Variants in PAQR5 observed in about 807,000 individuals in gnomAD.
PAQR5 encodes the protein progestin and adipoQ receptor family member 5, also known as membrane progestin receptor gamma.
A neutral mutation model predicts 34.5 loss-of-function variants in PAQR5; 20 were observed. That is an observed-to-expected ratio of 0.58 (90% CI 0.41 to 0.84). PAQR5 has a LOEUF of 0.84. PAQR5 is among the 40% of genes least tolerant of loss of function. PAQR5 has a pLI of 0.00. For missense variants in PAQR5, 378 were observed against 412.7 expected (o/e 0.92, Z 0.73); for synonymous variants, 131 against 155.6 (o/e 0.84, Z 1.18).
chr15:69,324,331 A>G (rs1595854362), intron 1 of PAQR5, among the ~76,000 whole-genome samples: 1 of 152,308 alleles, frequency 6.6e-6, no homozygotes, highest in Admixed American at 6.5e-5. Flanking sequence ...CAGAAGGCAC[A>G]GGAGAGAGCA....
intron 3 of PAQR5, among the ~76,000 whole-genome samples, chr15:69,362,876 T>C (rs1403548086): frequency 2.0e-5 from 3 of 152,118 alleles, no homozygotes; most frequent in Non-Finnish European, 2.9e-5. Flanking sequence ...CCTCCCCACC[T>C]CTTCCACCAC....
chr15:69,322,774 G>GAGGAAGAAGAAGA lies in PAQR5; in HGVS notation c.-276-14565_-276-14564insGAAGAAGAAGAAG, dbSNP rs1566998035. Reference sequence around the variant, plus strand: ...GAAGAAGAAGAAGAAGAAGAAGAGGGAGAAGAAGAAGACGAGGAAGAAGAA... The same window carrying GAGGAAGAAGAAGA: ...GAAGAAGAAGAAGAAGAAGAAGAGGGAGGAAGAAGAAGAAGAAGAAGAAGACGAGGAAGAAGAA... On this transcript the variant is annotated intron_variant, in intron 1 of 8. Transcript: ENST00000395407. Among the ~76,000 whole-genome samples, 16 of 32,430 alleles carry GAGGAAGAAGAAGA rather than the reference G, an allele frequency of 4.9e-4. 3 individuals are homozygous for GAGGAAGAAGAAGA. The highest frequency in any genetic ancestry group is 9.6e-4 in the Admixed American group (3 of 3,122). The allele number at this position is 32,430 out of a possible 152,430, so 21.3% of individuals were successfully genotyped here.
At chr15:69,373,587 C>T (rs967147647) in intron 3 of PAQR5, among the ~76,000 whole-genome samples, 2 of 152,132 alleles carry the variant, frequency 1.3e-5, no homozygotes, top group Non-Finnish European at 2.9e-5. Flanking sequence ...TTCTCTAGCA[C>T]ACACTACCTG....
intron 2 of PAQR5, among the ~76,000 whole-genome samples, chr15:69,355,303 TC>T (rs2055031001): frequency 2.2e-5 from 1 of 45,254 alleles, no homozygotes; most frequent in Admixed American, 2.3e-4. Flanking sequence ...TTTCTTTCTT[TC>T]TTTCTTTCTT....
intron 7 of PAQR5, 78 bp downstream of exon 7, chr15:69,397,642 C>A: frequency 1.1e-6 from 1 of 951,420 alleles, no homozygotes; most frequent in South Asian, 1.3e-5. Flanking sequence ...TCTGGGGGGT[C>A]ACAGCACTGC....
intron 1 of PAQR5, among the ~76,000 whole-genome samples, chr15:69,329,220 C>T (rs1304048259): frequency 6.6e-6 from 1 of 152,122 alleles, no homozygotes; most frequent in Admixed American, 6.5e-5. Context: ...CACACATATA[C>T]ACTCACTCAC....
intron 1 of PAQR5, among the ~76,000 whole-genome samples, chr15:69,307,086 C>T (rs998758337): frequency 2.6e-5 from 3 of 115,226 alleles, no homozygotes; most frequent in South Asian, 3.5e-4. Context: ...TATTCCATTA[C>T]ATATACATCA....
rs1277302138 is a variant in PAQR5 at position 69,344,112 on chromosome 15, G to A, written c.-116+6611G>A. Among the ~76,000 whole-genome samples, 3 of 152,214 alleles carry A rather than the reference G, an allele frequency of 2.0e-5. No individual in the cohort carries two copies. The East Asian group carries it at 5.8e-4, about 29-fold the overall frequency. On this transcript the variant is annotated intron_variant, in intron 2 of 8. Transcript: ENST00000395407. Reference sequence around the variant, plus strand: ...GCCTCCCAAATTGCTGAGATTACAGGCATGGGCCACCATGCCCGGCTACAG... The same window carrying A: ...GCCTCCCAAATTGCTGAGATTACAGACATGGGCCACCATGCCCGGCTACAG...
chr15:69,326,147 C>T (rs1250076563), intron 1 of PAQR5, among the ~76,000 whole-genome samples: 1 of 152,072 alleles, frequency 6.6e-6, no homozygotes, highest in East Asian at 1.9e-4. Flanking sequence ...CGTCATTTTC[C>T]AGTGCCTGGG....
At chr15:69,379,784 G>C in intron 3 of PAQR5, 99 bp from the exon 4 acceptor site, 1 of 1,443,426 alleles carries the variant, frequency 6.9e-7, no homozygotes, top group African/African-American at 1.4e-5. Context: ...GGGGTCAAGC[G>C]TTCCAGGCAC....
intron 6 of PAQR5, among the ~76,000 whole-genome samples, chr15:69,392,618 G>T (rs1446132415): frequency 6.6e-6 from 1 of 152,172 alleles, no homozygotes; most frequent in Admixed American, 6.5e-5. Flanking sequence ...CAGTGCCATA[G>T]GAGAGACAGA....
chr15:69,312,093 A>G (rs747606657), intron 1 of PAQR5, among the ~76,000 whole-genome samples: 4 of 152,102 alleles, frequency 2.6e-5, no homozygotes, highest in Non-Finnish European at 5.9e-5. Context: ...GGCAAGAGCA[A>G]ACTGCGGGGT....
At chr15:69,309,871 A>G (rs1019267592) in intron 1 of PAQR5, among the ~76,000 whole-genome samples, 10 of 152,050 alleles carry the variant, frequency 6.6e-5, no homozygotes, top group African/African-American at 2.2e-4. Context: ...CAACAAGGTG[A>G]AATGCCATCT....
In PAQR5 at chr15:69,406,694, C is replaced by T. The variant is rs1041821767; in HGVS notation, c.*2872C>T. ...GACCAGTCTGGGCAACAGAGCCAGA[C>T]ACTGTCTCTATAAAAAAAAGTTAAA... On this transcript the variant is annotated 3_prime_UTR_variant, in exon 9 of 9. Coordinates refer to ENST00000395407, the MANE Select transcript of PAQR5 (RefSeq NM_017705.4). 1 of 152,152 alleles carries T rather than the reference C, an allele frequency of 6.6e-6. No homozygotes were observed. The highest frequency in any genetic ancestry group is 2.4e-5 in the African/African-American group (1 of 41,404). 9.4% of individuals were successfully genotyped at this position (152,152 alleles called of 1,614,324 possible).
At chr15:69,307,700 A>G (rs1595830178) in intron 1 of PAQR5, among the ~76,000 whole-genome samples, 2 of 152,344 alleles carry the variant, frequency 1.3e-5, no homozygotes, top group East Asian at 3.9e-4. Flanking sequence ...GTCATCTTAG[A>G]AGGACATAGT....
intron 1 of PAQR5, among the ~76,000 whole-genome samples, chr15:69,305,038 G>A (rs891104977): frequency 3.9e-5 from 6 of 152,164 alleles, no homozygotes; most frequent in African/African-American, 1.4e-4. Flanking sequence ...TTCCTCTTCT[G>A]TACGGCTTGG....
chr15:69,393,445 AGTCACTGTCCACTCTGGGCCTCAGGG>A lies in PAQR5; in HGVS notation c.512+3666_512+3691del, dbSNP rs1244736466. The stretch of plus-strand genomic sequence containing the variant: ...CAGACTTGCTGTATGGCCTCAGGGC[AGTCACTGTCCACTCTGGGCCTCAGGG>A]TCTACGTCTTCAATGAGGGCATCTG... On this transcript the variant is annotated intron_variant, in intron 6 of 8. Coordinates refer to ENST00000395407, the MANE Select transcript of PAQR5 (RefSeq NM_017705.4). 1.5e-3 allele frequency among the ~76,000 whole-genome samples: 11 copies of A among 7,396 alleles called. No individual in the cohort carries two copies. In the South Asian group the frequency reaches 0.094, roughly 63 times the overall value. The allele number at this position is 7,396 out of a possible 152,430, so 4.9% of individuals were successfully genotyped here.
At chr15:69,379,134 C>T (rs1177301550) in intron 3 of PAQR5, among the ~76,000 whole-genome samples, 1 of 152,208 alleles carries the variant, frequency 6.6e-6, no homozygotes, top group Admixed American at 6.5e-5. Flanking sequence ...TTCCACATTT[C>T]TTCACTTATT....
rs535195033 is a variant in PAQR5, at chr15:69,385,440, T to A, written c.385+558T>A. Among the ~76,000 whole-genome samples, 55 of 152,292 alleles carry A rather than the reference T, an allele frequency of 3.6e-4. No individual in the cohort carries two copies. The highest frequency in any genetic ancestry group is 1.3e-3 in the African/African-American group (53 of 41,558). On this transcript the variant is annotated intron_variant, in intron 5 of 8. Transcript: ENST00000395407. This position sits in a 1 kb window ranked among gnomAD's most constrained non-coding sequence, Gnocchi z 4.7. ...GGAGGGTGAGGTCATGAGCCTCGTA[T>A]ATCCAGAGGCTTAGCACAATCAGAG...
Sources: allele counts gnomAD v4.1 joint callset (sites outside exome capture counted in the v4.1 genomes callset), GRCh38; gene constraint gnomAD v4.1.1; non-coding constraint Gnocchi (gnomAD v3.1); transcripts MANE v1.5; gene names NCBI Gene and HGNC (gene_info 2026-07-23, HGNC 2026-07-21).